Variants in TMC1 observed in about 807,000 individuals in gnomAD.
TMC1 encodes the protein transmembrane channel-like protein 1.
TMC1 carries 84 observed loss-of-function variants against 105.8 expected under a neutral mutation model. The observed-to-expected ratio is 0.79, with a 90% confidence interval of 0.67 to 0.95. The LOEUF (loss-of-function observed/expected upper bound fraction) is 0.95, where lower values mean the gene tolerates loss of function less well. Among genes scored for constraint, TMC1 ranks in the 40% least tolerant of loss-of-function variants. The probability of loss-of-function intolerance (pLI) is 0.00; values close to 1 mark genes in which losing one functional copy is unlikely to be tolerated. For synonymous variants in TMC1, 315 were observed against 311.5 expected (o/e 1.01, Z -0.12); for missense variants, 817 against 914.1 (o/e 0.89, Z 1.37).
chr9:72,571,124 A>G (rs1266515014), intron 1 of TMC1, among the ~76,000 whole-genome samples: 2 of 146,598 alleles, frequency 1.4e-5, no homozygotes, highest in Non-Finnish European at 3.0e-5. Flanking sequence ...GGAGTTCGAG[A>G]CCAGCCTGGC....
chr9:72,528,161 G>GC (rs1823437598), intron 1 of TMC1, among the ~76,000 whole-genome samples: 1 of 152,010 alleles, frequency 6.6e-6, no homozygotes, highest in Non-Finnish European at 1.5e-5. Flanking sequence ...TAAAAAAAAG[G>GC]CCCCAGAGAG....
intron 13 of TMC1, among the ~76,000 whole-genome samples, chr9:72,774,713 C>A (rs1247881455): frequency 6.6e-6 from 1 of 152,098 alleles, no homozygotes; most frequent in Non-Finnish European, 1.5e-5. Flanking sequence ...AAACTCATTG[C>A]CCAAACAGCA....
chr9:72,562,959 C>T (rs1317499521), intron 1 of TMC1, among the ~76,000 whole-genome samples: 1 of 151,840 alleles, frequency 6.6e-6, no homozygotes, highest in Non-Finnish European at 1.5e-5. Flanking sequence ...AACAAGACTC[C>T]GTCTCAAATA....
intron 10 of TMC1, among the ~76,000 whole-genome samples, chr9:72,746,196 A>G (rs990116010): frequency 6.6e-6 from 1 of 152,196 alleles, no homozygotes; most frequent in African/African-American, 2.4e-5. Flanking sequence ...CAAAAGGTTC[A>G]GAAGTATCAT....
intron 5 of TMC1, among the ~76,000 whole-genome samples, chr9:72,675,084 C>G (rs1826182298): frequency 6.6e-6 from 1 of 152,154 alleles, no homozygotes; most frequent in African/African-American, 2.4e-5. Context: ...AATTCTCTCT[C>G]TCATGCACAC....
At chr9:72,668,778 C>G (rs1175482265) in intron 5 of TMC1, among the ~76,000 whole-genome samples, 2 of 152,018 alleles carry the variant, frequency 1.3e-5, no homozygotes, top group Non-Finnish European at 2.9e-5. Context: ...TCTGGATGTT[C>G]GATTCCTGTT....
intron 18 of TMC1, among the ~76,000 whole-genome samples, chr9:72,814,896 TTGTGTGTGTG>T (rs57564294): frequency 0.024 from 2,893 of 119,244 alleles, 31 homozygotes; most frequent in African/African-American, 0.046. Context: ...TGGATCATCT[TTGTGTGTGTG>T]TGTGTGTGTG....
chr9:72,790,671 T>A lies in TMC1; in HGVS notation c.1225-1215T>A, dbSNP rs1588084784. Among the ~76,000 whole-genome samples, 5 of 152,260 alleles carry A rather than the reference T, an allele frequency of 3.3e-5. No homozygotes were observed. The South Asian group carries it at 1.0e-3, about 32-fold the overall frequency. ...TCTTTAACATATATTTTAGGGACCC[T>A]CTGAGTCCTAGGGGCCAATGAAGGT... On this transcript the variant is annotated intron_variant, in intron 15 of 23. Coordinates refer to ENST00000297784, the MANE Select transcript of TMC1 (RefSeq NM_138691.3).
chr9:72,754,881 C>T lies in TMC1; in HGVS notation c.738C>T (p.Phe246=). The T allele has an allele frequency of 6.2e-7, 1 of 1,611,618 alleles. No homozygotes were observed. Among genetic ancestry groups the T allele is most frequent in the Non-Finnish European group, 8.5e-7 (1 of 1,177,774 alleles). ...SAANFGVLYD[F]NGLAQYSVLF... is the part of the protein sequence containing the mutation. Reference sequence around the variant, plus strand: ...CAAACTTTGGTGTGTTGTACGACTTCAATGTAAGTGTCTCCACACAAGTGT... The same window carrying T: ...CAAACTTTGGTGTGTTGTACGACTTTAATGTAAGTGTCTCCACACAAGTGT... The change falls in exon 12 of 24, where the codon TTC becomes TTT. Residue 246 remains phenylalanine, a synonymous_variant. Coordinates refer to ENST00000297784, the MANE Select transcript of TMC1 (RefSeq NM_138691.3).
At chr9:72,784,711 T>C (rs1828142795) in intron 13 of TMC1, among the ~76,000 whole-genome samples, 1 of 152,200 alleles carries the variant, frequency 6.6e-6, no homozygotes, top group African/African-American at 2.4e-5. Context: ...AACAGTGTAC[T>C]GGATGAAGAA....
At chr9:72,717,516 T>C (rs529629435) in intron 8 of TMC1, among the ~76,000 whole-genome samples, 3 of 152,308 alleles carry the variant, frequency 2.0e-5, no homozygotes, top group South Asian at 4.1e-4. Flanking sequence ...GCAAATTCTC[T>C]TGGCCTTTGT....
intron 5 of TMC1, among the ~76,000 whole-genome samples, chr9:72,681,581 T>G (rs1461059918): frequency 6.6e-6 from 1 of 152,116 alleles, no homozygotes; most frequent in Non-Finnish European, 1.5e-5. Context: ...GTGGTAGAAT[T>G]TGGAAACATA....
chr9:72,595,916 G>A (rs1380657931), intron 2 of TMC1, among the ~76,000 whole-genome samples: 7 of 146,846 alleles, frequency 4.8e-5, no homozygotes, highest in Non-Finnish European at 7.4e-5. Flanking sequence ...TTGCTCTGTC[G>A]CCCAGGCTGG....
At chr9:72,692,929 G>A (rs572286619) in intron 6 of TMC1, among the ~76,000 whole-genome samples, 1 of 152,166 alleles carries the variant, frequency 6.6e-6, no homozygotes, top group South Asian at 2.1e-4. Context: ...GACCAGCCTG[G>A]CCAACATGGT....
At chr9:72,682,157 G>A (rs2132177622) in intron 5 of TMC1, among the ~76,000 whole-genome samples, 1 of 152,240 alleles carries the variant, frequency 6.6e-6, no homozygotes, top group Middle Eastern at 3.4e-3. Context: ...TATAATGTTT[G>A]AAAATATGAC....
At chr9:72,752,049 C>A in intron 11 of TMC1, 93 bp downstream of exon 11, 1 of 893,218 alleles carries the variant, frequency 1.1e-6, no homozygotes, top group Non-Finnish European at 1.9e-6. Flanking sequence ...AATTAACTGG[C>A]TATTTTCACG....
chr9:72,740,264 T>A, intron 9 of TMC1, 55 bp downstream of exon 9: 1 of 1,486,968 alleles, frequency 6.7e-7, no homozygotes, highest in Non-Finnish European at 9.4e-7. Context: ...AGAAGAACAC[T>A]GGTTCTTTTC....
intron 8 of TMC1, among the ~76,000 whole-genome samples, chr9:72,735,609 G>A (rs143064285): frequency 1.8e-3 from 269 of 152,212 alleles, no homozygotes; most frequent in African/African-American, 6.2e-3. Flanking sequence ...TAAGAAATAC[G>A]TTATCAAGGA....
At chr9:72,557,514 A>G (rs751827920) in intron 1 of TMC1, among the ~76,000 whole-genome samples, 17 of 152,242 alleles carry the variant, frequency 1.1e-4, no homozygotes, top group Non-Finnish European at 1.8e-4. Context: ...TTTTACAATC[A>G]TTAAACAAAG....
Sources: gnomAD v4.1 joint callset for allele counts (sites outside exome capture counted in the v4.1 genomes callset) on GRCh38, gnomAD v4.1.1 for gene constraint, MANE v1.5 for transcripts, NCBI Gene and HGNC (gene_info 2026-07-23, HGNC 2026-07-21) for gene names.